The following RGS3 variants were observed in gnomAD, a reference collection of about 807,000 sequenced individuals.
The protein encoded by RGS3 is regulator of G-protein signalling 3.
In RGS3, 80 loss-of-function variants were observed where a neutral mutation model predicts 132.6. The ratio of observed to expected loss-of-function variants is 0.60; its 90% CI spans 0.50 to 0.73. The LOEUF is 0.73. Ranked by LOEUF, RGS3 falls within the 30% of genes least tolerant of loss-of-function variation. RGS3 has a pLI of 0.00. For missense variants in RGS3, 1,382 were observed against 1,530.8 expected (o/e 0.90, Z 1.62); for synonymous variants, 598 against 620.6 (o/e 0.96, Z 0.54).
chr9:113,457,513 G>A (rs957025746), upstream of RGS3, among the ~76,000 whole-genome samples: 1 of 152,202 alleles, frequency 6.6e-6, no homozygotes, highest in Non-Finnish European at 1.5e-5. Flanking sequence ...TAGGTGCTTA[G>A]CAAACACTTG....
Position 113,593,968 on chromosome 9 carries a change from G to A in RGS3, c.3081-462G>A, listed in dbSNP as rs756713060. ...AAATAGCTGGGACTGGCTTCCTGCC[G>A]GGGCGGCCCCAGAGGCTGTCCCTTG... On this transcript the variant is annotated intron_variant, in intron 21 of 24. Transcript: ENST00000350696. 1.1e-4 allele frequency: 172 copies of A among 1,612,552 alleles called. No individual in the cohort carries two copies. In the Admixed American group the frequency reaches 1.3e-3, roughly 12 times the overall value.
chr9:113,534,359 T>C (rs1832594620), intron 18 of RGS3, among the ~76,000 whole-genome samples: 1 of 152,210 alleles, frequency 6.6e-6, no homozygotes, highest in Non-Finnish European at 1.5e-5. Flanking sequence ...TAATTACAGT[T>C]GTCCCTCAGT....
chr9:113,536,688 C>T, intron 18 of RGS3, 108 bp from the exon 17 acceptor site: 1 of 1,523,922 alleles, frequency 6.6e-7, no homozygotes. Flanking sequence ...CACTCCCCTC[C>T]TGGCTGCAGC....
At chr9:113,465,707 T>A (rs1019586921) in intron 3 of RGS3, among the ~76,000 whole-genome samples, 20 of 152,290 alleles carry the variant, frequency 1.3e-4, no homozygotes, top group African/African-American at 4.8e-4. Flanking sequence ...GGGCTGAGTC[T>A]GATGGGTATC....
intron 19 of RGS3, among the ~76,000 whole-genome samples, chr9:113,568,397 C>G (rs13301613): frequency 6.6e-6 from 1 of 152,390 alleles, no homozygotes; most frequent in South Asian, 2.1e-4. Context: ...CTCGTCCCTT[C>G]TTACTGATGA....
intron 19 of RGS3, among the ~76,000 whole-genome samples, chr9:113,546,100 C>T (rs533020673): frequency 3.3e-5 from 5 of 152,324 alleles, no homozygotes; most frequent in African/African-American, 1.2e-4. Context: ...TTTCCAGGCT[C>T]TCCTTGGTAG....
intron 19 of RGS3, among the ~76,000 whole-genome samples, chr9:113,567,713 A>T (rs1026389381): frequency 6.6e-6 from 1 of 152,194 alleles, no homozygotes; most frequent in Admixed American, 6.5e-5. Flanking sequence ...AATTCACAGC[A>T]TAGCCTGGGC....
At chr9:113,500,330 G>A (rs1488327484) in intron 10 of RGS3, among the ~76,000 whole-genome samples, 1 of 152,210 alleles carries the variant, frequency 6.6e-6, no homozygotes, top group Non-Finnish European at 1.5e-5. Flanking sequence ...CAGTCACACA[G>A]CAACCAAAGC....
At chr9:113,544,871 G>A (rs1833046618) in intron 19 of RGS3, among the ~76,000 whole-genome samples, 1 of 152,218 alleles carries the variant, frequency 6.6e-6, no homozygotes. Flanking sequence ...TAATCTCCAG[G>A]AAGAGGCAAG....
upstream of RGS3, among the ~76,000 whole-genome samples, chr9:113,456,807 AT>A (rs539707969): frequency 4.0e-5 from 6 of 149,962 alleles, no homozygotes; most frequent in African/African-American, 4.9e-5. Flanking sequence ...TGATTTATTT[AT>A]TTTTTTTTTG....
At chr9:113,564,927 C>A (rs893403043) in intron 19 of RGS3, 3 of 994,968 alleles carry the variant, frequency 3.0e-6, no homozygotes, top group Non-Finnish European at 3.6e-6. Flanking sequence ...GACAGGGAAG[C>A]CTCGGTGCCT....
chr9:113,463,901 G>C lies in RGS3; in HGVS notation c.415+1700G>C. 1.2e-6 allele frequency: 2 copies of C among 1,611,990 alleles called. No individual in the cohort carries two copies. Among genetic ancestry groups the C allele is most frequent in the South Asian group, 1.1e-5 (1 of 90,866 alleles). ...CCTTTGGTAAGTGCCCGCTGGGGCTGGCGGCAGGGGCTGCTTCACCCTGCT... is the reference window on the plus strand; with the variant it reads ...CCTTTGGTAAGTGCCCGCTGGGGCTCGCGGCAGGGGCTGCTTCACCCTGCT... On this transcript the variant is annotated intron_variant, in intron 3 of 24. Transcript: ENST00000350696. The surrounding 1 kb of genome is among the most constrained non-coding windows in gnomAD (Gnocchi z 4.6).
intron 10 of RGS3, among the ~76,000 whole-genome samples, chr9:113,503,885 G>A (rs7033679): frequency 2.0e-5 from 3 of 152,052 alleles, no homozygotes; most frequent in Admixed American, 6.5e-5. Context: ...TTCCACACTC[G>A]TACCCGCGTT....
chr9:113,479,535 C>T, exon 4 of RGS3: 1 of 1,614,180 alleles, frequency 6.2e-7, no homozygotes, highest in Non-Finnish European at 8.5e-7. Flanking sequence ...GGTTCTGCTG[C>T]TTCACAGTGA....
intron 20 of RGS3, among the ~76,000 whole-genome samples, chr9:113,587,650 G>A (rs1278857397): frequency 2.0e-5 from 3 of 152,306 alleles, no homozygotes; most frequent in South Asian, 4.1e-4. Flanking sequence ...ATTCAGTCTC[G>A]ACGTTGTCTC....
At position 113,537,430 on chromosome 9, in the gene RGS3, G is replaced by A. The variant is rs550379113; in HGVS notation, c.2037+512G>A. 3.9e-5 allele frequency among the ~76,000 whole-genome samples: 6 copies of A among 152,252 alleles called. No individual in the cohort carries two copies. Among genetic ancestry groups the A allele is most frequent in the East Asian group, 3.9e-4 (2 of 5,186 alleles). ...CTGGGGACTGGCTGGCAGGAGCACCGGGGAAGATTAGAGACTCCCAGGGGA... is the reference window on the plus strand; with the variant it reads ...CTGGGGACTGGCTGGCAGGAGCACCAGGGAAGATTAGAGACTCCCAGGGGA... On this transcript the variant is annotated intron_variant, in intron 19 of 24. Coordinates refer to ENST00000350696, the Ensembl canonical transcript of RGS3. This position sits in a 1 kb window ranked among gnomAD's most constrained non-coding sequence, Gnocchi z 4.3.
At chr9:113,572,585 T>TG (rs1834339442) in intron 19 of RGS3, among the ~76,000 whole-genome samples, 2 of 152,144 alleles carry the variant, frequency 1.3e-5, no homozygotes, top group South Asian at 4.1e-4. Context: ...AGGAGGGCAG[T>TG]GGGGCAGACT....
chr9:113,485,334 C>A (rs984601747), intron 6 of RGS3, among the ~76,000 whole-genome samples: 1 of 152,136 alleles, frequency 6.6e-6, no homozygotes, highest in African/African-American at 2.4e-5. Context: ...CATGATCCGC[C>A]CACCTCTGTC....
chr9:113,594,853 C>A, intron 22 of RGS3, 66 bp from the exon 21 acceptor site: 1 of 1,508,406 alleles, frequency 6.6e-7, no homozygotes, highest in Non-Finnish European at 9.2e-7. Context: ...GGCCGCCTGG[C>A]CCAGCTTCCC....
Sources: gnomAD v4.1 joint callset for allele counts (sites outside exome capture counted in the v4.1 genomes callset) on GRCh38, gnomAD v4.1.1 for gene constraint, Gnocchi (gnomAD v3.1) non-coding constraint, MANE v1.5 for transcripts, NCBI Gene and HGNC (gene_info 2026-07-23, HGNC 2026-07-21) for gene names.